Variants in NXPH1 observed in about 807,000 individuals in gnomAD.
NXPH1 encodes the protein neurexophilin-1.
Under a neutral mutation model 23.7 loss-of-function variants are expected in NXPH1, and 5 were observed. The ratio of observed to expected loss-of-function variants is 0.21; its 90% confidence interval spans 0.11 to 0.44. The LOEUF is 0.44. Ranked by LOEUF, NXPH1 falls within the 20% of genes least tolerant of loss-of-function variation. The pLI, the probability that NXPH1 is intolerant of heterozygous loss-of-function variation, is 0.99. For synonymous variants in NXPH1, 144 were observed against 122.2 expected (o/e 1.18, Z -1.18); for missense variants, 324 against 321.6 (o/e 1.01, Z -0.06).
At chr7:8,743,049 C>A (rs992248676) in intron 2 of NXPH1, among the ~76,000 whole-genome samples, 1 of 151,914 alleles carries the variant, frequency 6.6e-6, no homozygotes, top group Non-Finnish European at 1.5e-5. Context: ...TGCCCTTAAC[C>A]AATAGTAGTC....
rs114401565 is a variant in NXPH1, at chr7:8,454,427, T to G, written c.54+18660T>G. ...TACAAGGTCTGAGACAAAGCATTTATCCTCTGCTTTGTGCATCATGCTTCT... is the reference window on the plus strand; with the variant it reads ...TACAAGGTCTGAGACAAAGCATTTAGCCTCTGCTTTGTGCATCATGCTTCT... On this transcript the variant is annotated intron_variant, in intron 2 of 2. Transcript: ENST00000405863. 6.8e-3 allele frequency among the ~76,000 whole-genome samples: 1,040 copies of G among 152,268 alleles called. 12 individuals carry two copies. The highest frequency in any genetic ancestry group is 0.024 in the African/African-American group (1,004 of 41,552).
chr7:8,617,446 T>C (rs952410973), intron 2 of NXPH1, among the ~76,000 whole-genome samples: 4 of 152,068 alleles, frequency 2.6e-5, no homozygotes, highest in Non-Finnish European at 2.9e-5. Flanking sequence ...AAATGTGATA[T>C]ATATATACAA....
intron 2 of NXPH1, among the ~76,000 whole-genome samples, chr7:8,622,093 G>T (rs1481995934): frequency 6.6e-6 from 1 of 152,126 alleles, no homozygotes; most frequent in African/African-American, 2.4e-5. Context: ...AGAATTACTA[G>T]ATTTCAGGCA....
chr7:8,475,987 T>G (rs555370937), intron 2 of NXPH1, among the ~76,000 whole-genome samples: 11 of 152,182 alleles, frequency 7.2e-5, no homozygotes, highest in Admixed American at 1.3e-4. Context: ...TTTTGTTTAT[T>G]TTTAAGGCAA....
At chr7:8,530,742 G>A (rs138775988) in intron 2 of NXPH1, among the ~76,000 whole-genome samples, 1 of 152,308 alleles carries the variant, frequency 6.6e-6, no homozygotes, top group East Asian at 1.9e-4. Context: ...GCCCTGCTGA[G>A]GAGCTCTGAC....
At chr7:8,611,377 C>G (rs1057396735) in intron 2 of NXPH1, among the ~76,000 whole-genome samples, 1 of 152,046 alleles carries the variant, frequency 6.6e-6, no homozygotes, top group Non-Finnish European at 1.5e-5. Flanking sequence ...AAAATACTTG[C>G]GTTACATGGT....
At chr7:8,688,115 G>A (rs889837334) in intron 2 of NXPH1, among the ~76,000 whole-genome samples, 2 of 152,036 alleles carry the variant, frequency 1.3e-5, no homozygotes, top group Admixed American at 1.3e-4. Context: ...TGGCATCTTG[G>A]ACAAGAGCTT....
intron 2 of NXPH1, among the ~76,000 whole-genome samples, chr7:8,602,342 A>G (rs899255418): frequency 1.3e-5 from 2 of 152,152 alleles, no homozygotes; most frequent in Admixed American, 6.6e-5. Context: ...TGTTGTGTCT[A>G]TAGAATAAAC....
At chr7:8,454,578 T>C (rs1056048987) in intron 2 of NXPH1, among the ~76,000 whole-genome samples, 1 of 152,158 alleles carries the variant, frequency 6.6e-6, no homozygotes, top group African/African-American at 2.4e-5. Context: ...TCTGATGACA[T>C]GCATTGGCCA....
rs1044299260 is a variant in NXPH1 at position 8,438,092 on chromosome 7, G to A, written c.54+2325G>A. On this transcript the variant is annotated intron_variant, in intron 2 of 2. Coordinates refer to ENST00000405863, the MANE Select transcript of NXPH1 (RefSeq NM_152745.3). Reference sequence around the variant, plus strand: ...AATTCCGAGCTGTTTTCCTGAAGGAGCAAAAAGCTGACTTCTACCATGGAA... The same window carrying A: ...AATTCCGAGCTGTTTTCCTGAAGGAACAAAAAGCTGACTTCTACCATGGAA... 3.9e-5 allele frequency among the ~76,000 whole-genome samples: 6 copies of A among 152,186 alleles called. No homozygotes were observed. The East Asian group carries it at 1.2e-3, about 29-fold the overall frequency.
intron 2 of NXPH1, among the ~76,000 whole-genome samples, chr7:8,721,826 C>T (rs1378789004): frequency 6.6e-6 from 1 of 152,190 alleles, no homozygotes; most frequent in Admixed American, 6.5e-5. Context: ...TCGAAAAAAC[C>T]ATAAATCTCA....
At chr7:8,668,266 T>A (rs770556544) in intron 2 of NXPH1, among the ~76,000 whole-genome samples, 1 of 96,684 alleles carries the variant, frequency 1.0e-5, no homozygotes, top group Non-Finnish European at 2.6e-5. Context: ...GTTTTTTTTT[T>A]TTTATTTTGT....
intron 2 of NXPH1, among the ~76,000 whole-genome samples, chr7:8,644,836 C>T (rs1021405490): frequency 1.1e-4 from 17 of 152,142 alleles, no homozygotes; most frequent in Admixed American, 5.2e-4. Context: ...ATTTTGTGCA[C>T]ATCATTCCTT....
chr7:8,460,408 G>T (rs1285884135), intron 2 of NXPH1, among the ~76,000 whole-genome samples: 1 of 152,088 alleles, frequency 6.6e-6, no homozygotes, highest in Non-Finnish European at 1.5e-5. Context: ...TTTTTGTTAA[G>T]AATTAATTTT....
intron 2 of NXPH1, among the ~76,000 whole-genome samples, chr7:8,500,348 A>G (rs568295443): frequency 1.3e-5 from 2 of 152,212 alleles, no homozygotes; most frequent in South Asian, 2.1e-4. Context: ...AAGTTTGGTT[A>G]TCTGAGAAAA....
At chr7:8,734,249 C>A (rs1190281911) in intron 2 of NXPH1, among the ~76,000 whole-genome samples, 1 of 152,130 alleles carries the variant, frequency 6.6e-6, no homozygotes, top group African/African-American at 2.4e-5. Context: ...GTTTTGGTAC[C>A]ACTACCATGC....
intron 2 of NXPH1, among the ~76,000 whole-genome samples, chr7:8,481,473 T>C (rs1817070740): frequency 6.6e-6 from 1 of 152,134 alleles, no homozygotes; most frequent in Admixed American, 6.6e-5. Flanking sequence ...ATAAATACTA[T>C]GAAATAAAAC....
At chr7:8,506,190 T>A (rs985459262) in intron 2 of NXPH1, among the ~76,000 whole-genome samples, 5 of 152,132 alleles carry the variant, frequency 3.3e-5, no homozygotes, top group African/African-American at 1.2e-4. Context: ...AATACATTTG[T>A]TGAGTTGTGC....
At chr7:8,641,264 C>A (rs1020170091) in intron 2 of NXPH1, among the ~76,000 whole-genome samples, 2 of 152,184 alleles carry the variant, frequency 1.3e-5, no homozygotes, top group Non-Finnish European at 2.9e-5. Flanking sequence ...AAAGTAATAC[C>A]TGTGCACAGT....
Sources: gnomAD v4.1 joint callset for allele counts (sites outside exome capture counted in the v4.1 genomes callset) on GRCh38, gnomAD v4.1.1 for gene constraint, MANE v1.5 for transcripts, NCBI Gene and HGNC (gene_info 2026-07-23, HGNC 2026-07-21) for gene names.